C1GALT1: variants seen among roughly 807,000 people sequenced by gnomAD.
C1GALT1 encodes glycoprotein-N-acetylgalactosamine 3-beta-galactosyltransferase 1.
In C1GALT1, 11 loss-of-function variants were observed where a neutral mutation model predicts 31.0. That is an observed-to-expected ratio of 0.36 (90% CI 0.22 to 0.59). The LOEUF (loss-of-function observed/expected upper bound fraction) is 0.59. C1GALT1 is among the 20% of genes least tolerant of loss of function. The probability of loss-of-function intolerance (pLI) is 0.79; values close to 1 mark genes in which losing one functional copy is unlikely to be tolerated. For missense variants in C1GALT1, 424 were observed against 425.2 expected (o/e 1.00, Z 0.03); for synonymous variants, 175 against 143.6 (o/e 1.22, Z -1.56).
chr7:7,182,860 G>T (rs1780644674), intron 1 of C1GALT1, 40 bp downstream of exon 1: 16 of 985,356 alleles, frequency 1.6e-5, no homozygotes, highest in Non-Finnish European at 1.9e-5. Context: ...CGGGTCCAAG[G>T]TCTCGTCTCC....
chr7:7,201,519 T>C (rs906134241), intron 1 of C1GALT1, among the ~76,000 whole-genome samples: 1 of 152,130 alleles, frequency 6.6e-6, no homozygotes, highest in African/African-American at 2.4e-5. Context: ...AAACCACTGC[T>C]CTCATGAAAG....
intron 2 of C1GALT1, chr7:7,235,226 A>G (rs1009450278): frequency 1.3e-5 from 2 of 152,210 alleles, no homozygotes; most frequent in African/African-American, 2.4e-5. Flanking sequence ...CATTAACACA[A>G]TGCAAAATAC....
intron 1 of C1GALT1, among the ~76,000 whole-genome samples, chr7:7,204,240 T>G (rs1359122902): frequency 1.3e-5 from 2 of 151,950 alleles, no homozygotes; most frequent in African/African-American, 4.8e-5. Context: ...TTTTGATTAC[T>G]CATTCAATCT....
At chr7:7,207,623 A>G (rs1371543766) in intron 1 of C1GALT1, among the ~76,000 whole-genome samples, 1 of 151,478 alleles carries the variant, frequency 6.6e-6, no homozygotes, top group Non-Finnish European at 1.5e-5. Flanking sequence ...GGTCTTTTTC[A>G]GGGACAATTT....
chr7:7,182,261 G>A (rs1011541863), upstream of C1GALT1, among the ~76,000 whole-genome samples: 7 of 152,106 alleles, frequency 4.6e-5, no homozygotes, highest in Non-Finnish European at 7.4e-5. Flanking sequence ...CCCCTTTCTC[G>A]CTCCCTATTG....
At chr7:7,203,786 A>G (rs972654192) in intron 1 of C1GALT1, among the ~76,000 whole-genome samples, 4 of 152,128 alleles carry the variant, frequency 2.6e-5, no homozygotes, top group Non-Finnish European at 4.4e-5. Context: ...TAATTAGCAT[A>G]TCCATGATCT....
intron 2 of C1GALT1, among the ~76,000 whole-genome samples, chr7:7,164,453 CT>C (rs1161743122): frequency 6.6e-6 from 1 of 152,106 alleles, no homozygotes; most frequent in Non-Finnish European, 1.5e-5. Context: ...GGATACAGCT[CT>C]CCTCTTGCTT....
At chr7:7,205,935 T>C (rs1781719741) in intron 1 of C1GALT1, among the ~76,000 whole-genome samples, 1 of 152,214 alleles carries the variant, frequency 6.6e-6, no homozygotes, top group Non-Finnish European at 1.5e-5. Flanking sequence ...ATTTTGCCAT[T>C]TTTTTCTATG....
intron 2 of C1GALT1, among the ~76,000 whole-genome samples, chr7:7,163,502 A>G (rs1780360345): frequency 6.6e-6 from 1 of 152,190 alleles, no homozygotes; most frequent in Admixed American, 6.5e-5. Flanking sequence ...AGGGTATTCA[A>G]TTAGGAAAAG....
rs537701702 is a variant in C1GALT1, at chr7:7,245,656, C to G, written c.*1929C>G. 9 of 152,292 alleles carry G rather than the reference C, an allele frequency of 5.9e-5. No homozygotes were observed. The South Asian group carries it at 1.7e-3, about 28-fold the overall frequency. 9.4% of individuals were successfully genotyped at this position (152,292 alleles called of 1,614,324 possible). A position where few individuals can be genotyped will look rare whatever the true frequency, so the allele number is the denominator to read the frequency against. On this transcript the variant is annotated 3_prime_UTR_variant, in exon 4 of 4. Transcript: ENST00000436587. ...TCATCTGCCAAAATTTCAAGGCATTCATTTTATTCTTTGAACAACTCTTCA... is the reference window on the plus strand; with the variant it reads ...TCATCTGCCAAAATTTCAAGGCATTGATTTTATTCTTTGAACAACTCTTCA...
intron 2 of C1GALT1, among the ~76,000 whole-genome samples, chr7:7,173,100 G>A (rs547273452): frequency 6.6e-6 from 1 of 152,232 alleles, no homozygotes; most frequent in East Asian, 1.9e-4. Flanking sequence ...ATGTTGAAAT[G>A]TAATCCCCAA....
chr7:7,242,006 CTTAAGT>C (rs1411035728), intron 3 of C1GALT1, among the ~76,000 whole-genome samples: 2 of 151,902 alleles, frequency 1.3e-5, no homozygotes, highest in Admixed American at 1.3e-4. Flanking sequence ...TGGTCTAGTC[CTTAAGT>C]TTAATATGCA....
chr7:7,234,494 C>T lies in C1GALT1; in HGVS notation c.175C>T (p.Leu59=), dbSNP rs1783244610. 1 of 1,613,688 alleles carries T rather than the reference C, an allele frequency of 6.2e-7. No homozygotes were observed. Among genetic ancestry groups the T allele is most frequent in the Non-Finnish European group, 8.5e-7 (1 of 1,179,732 alleles). ...TTCAGATGATAATGGACAGAATCAT[C>T]TAGAAGGACAAATGAACTTCAATGC... ...RHSDDNGQNH[L]EGQMNFNADS... Residue 59 remains leucine (L), a synonymous_variant, in exon 2 of 4, where the codon CTA becomes TTA. Coordinates refer to ENST00000436587, the MANE Select transcript of C1GALT1 (RefSeq NM_020156.5).
intron 2 of C1GALT1, among the ~76,000 whole-genome samples, chr7:7,165,513 A>G (rs1032895782): frequency 6.6e-6 from 1 of 152,200 alleles, no homozygotes; most frequent in Non-Finnish European, 1.5e-5. Flanking sequence ...AGACAGGTGT[A>G]GGAGAAATCA....
intron 1 of C1GALT1, among the ~76,000 whole-genome samples, chr7:7,221,240 A>C (rs1782498183): frequency 6.6e-6 from 1 of 151,662 alleles, no homozygotes; most frequent in Non-Finnish European, 1.5e-5. Context: ...AACTTTGCTT[A>C]CTTTCAGGGA....
intron 1 of C1GALT1, among the ~76,000 whole-genome samples, chr7:7,216,886 G>T (rs578151755): frequency 1.1e-4 from 17 of 152,188 alleles, no homozygotes; most frequent in Non-Finnish European, 2.1e-4. Flanking sequence ...AGAAACCATA[G>T]AGAGAGAGAG....
intron 1 of C1GALT1, among the ~76,000 whole-genome samples, chr7:7,193,619 G>T (rs978112737): frequency 2.0e-5 from 3 of 151,684 alleles, no homozygotes; most frequent in African/African-American, 2.4e-5. Context: ...GTTTTGGGGG[G>T]TTGTTTTTGT....
chr7:7,211,698 C>T (rs1025803960), intron 1 of C1GALT1, among the ~76,000 whole-genome samples: 5 of 152,138 alleles, frequency 3.3e-5, no homozygotes, highest in Admixed American at 3.3e-4. Flanking sequence ...TTTTCCTAAA[C>T]AAAGAAACCT....
chr7:7,221,803 CT>C (rs1389158583), intron 1 of C1GALT1, among the ~76,000 whole-genome samples: 2 of 152,208 alleles, frequency 1.3e-5, no homozygotes, highest in Non-Finnish European at 2.9e-5. Flanking sequence ...TCTGTTGATT[CT>C]CAACATCTAG....
Sources: allele counts gnomAD v4.1 joint callset (sites outside exome capture counted in the v4.1 genomes callset), GRCh38; gene constraint gnomAD v4.1.1; transcripts MANE v1.5; gene names NCBI Gene and HGNC (gene_info 2026-07-23, HGNC 2026-07-21).